Variants in CFAP58 observed in about 807,000 individuals in gnomAD.
CFAP58 encodes cilia and flagella associated protein 58.
Under a neutral mutation model 119.5 loss-of-function variants are expected in CFAP58, and 88 were observed. The observed-to-expected ratio is 0.74, with a 90% CI of 0.62 to 0.88. The LOEUF (loss-of-function observed/expected upper bound fraction) is 0.88, where lower values mean the gene tolerates loss of function less well. Among genes scored for constraint, CFAP58 ranks in the 40% least tolerant of loss-of-function variants. The probability of loss-of-function intolerance (pLI) is 0.00; values close to 1 mark genes in which losing one functional copy is unlikely to be tolerated. For missense variants in CFAP58, 990 were observed against 1,021.2 expected (o/e 0.97, Z 0.42); for synonymous variants, 365 against 366.3 (o/e 1.00, Z 0.04).
chr10:104,449,880 G>T (rs1253550841), intron 16 of CFAP58, among the ~76,000 whole-genome samples, 191 bp from the exon 17 acceptor site: 2 of 152,130 alleles, frequency 1.3e-5, no homozygotes, highest in Non-Finnish European at 2.9e-5. Flanking sequence ...ACCTAGTGAT[G>T]CATCTTCAGC....
intron 15 of CFAP58, among the ~76,000 whole-genome samples, chr10:104,412,157 T>C (rs528573310): frequency 6.6e-6 from 1 of 152,346 alleles, no homozygotes; most frequent in South Asian, 2.1e-4. Flanking sequence ...TTAGTTTTCA[T>C]GTTATTTAGT....
chr10:104,343,906 C>T, the CFAP58 span, among the ~76,000 whole-genome samples: 340 of 152,278 alleles, frequency 2.2e-3, no homozygotes, highest in Non-Finnish European at 2.4e-3. Flanking sequence ...CCATACCTGG[C>T]TAATTTTCCT....
At chr10:104,408,795 G>A (rs777175544) in intron 15 of CFAP58, among the ~76,000 whole-genome samples, 1 of 152,026 alleles carries the variant, frequency 6.6e-6, no homozygotes, top group South Asian at 2.1e-4. Flanking sequence ...GTTATAAAAT[G>A]TCTTTTAAAT....
rs974710618 is a variant in CFAP58 at position 104,357,938 on chromosome 10, T to C, written c.10-403T>C. Among the ~76,000 whole-genome samples the C allele has an allele frequency of 2.2e-3, 263 of 119,248 alleles. 11 individuals are homozygous for C. Among genetic ancestry groups the C allele is most frequent in the Non-Finnish European group, 3.2e-3 (199 of 61,270 alleles). The allele number at this position is 119,248 out of a possible 152,430, so 78.2% of individuals were successfully genotyped here. A position where few individuals can be genotyped will look rare whatever the true frequency, so the allele number is the denominator to read the frequency against. Reference sequence around the variant, plus strand: ...ACATATATGTACACATATACACACATATATGTACACATATATACACATATA... The same window carrying C: ...ACATATATGTACACATATACACACACATATGTACACATATATACACATATA... On this transcript the variant is annotated intron_variant, in intron 1 of 17. Transcript: ENST00000369704.
chr10:104,359,421 T>A (rs2014637856), intron 2 of CFAP58, among the ~76,000 whole-genome samples: 1 of 152,234 alleles, frequency 6.6e-6, no homozygotes, highest in Non-Finnish European at 1.5e-5. Context: ...AAGTTTATTG[T>A]CATGTTCTTC....
chr10:104,399,163 T>C (rs1589922031), intron 11 of CFAP58, among the ~76,000 whole-genome samples, 197 bp from the exon 12 acceptor site: 3 of 135,598 alleles, frequency 2.2e-5, no homozygotes, highest in Non-Finnish European at 4.7e-5. Context: ...TGTGCATTGC[T>C]ATTTCTTTAT....
At chr10:104,374,074 A>C (rs1242729766) in intron 7 of CFAP58, among the ~76,000 whole-genome samples, 1 of 152,148 alleles carries the variant, frequency 6.6e-6, no homozygotes, top group Non-Finnish European at 1.5e-5. Context: ...AAAAGTTAAA[A>C]TTTTCTATAT....
chr10:104,402,929 A>G (rs950481789), intron 13 of CFAP58, among the ~76,000 whole-genome samples: 3 of 152,188 alleles, frequency 2.0e-5, no homozygotes, highest in Admixed American at 6.5e-5. Context: ...AACTAGTGTT[A>G]GGTTATCACC....
intron 9 of CFAP58, among the ~76,000 whole-genome samples, chr10:104,387,913 C>T (rs2011957036): frequency 6.6e-6 from 1 of 152,160 alleles, no homozygotes; most frequent in Non-Finnish European, 1.5e-5. Flanking sequence ...TTGCCTATAA[C>T]ACTGTCAAGC....
chr10:104,437,436 C>G (rs183701325), intron 15 of CFAP58, among the ~76,000 whole-genome samples: 1 of 152,338 alleles, frequency 6.6e-6, no homozygotes, highest in East Asian at 1.9e-4. Context: ...TGACTAACCC[C>G]TGCCCATTCT....
chr10:104,395,888 G>T (rs2012143081), intron 11 of CFAP58, among the ~76,000 whole-genome samples: 2 of 152,198 alleles, frequency 1.3e-5, no homozygotes, highest in Admixed American at 1.3e-4. Flanking sequence ...ACTTTTCCAA[G>T]CCGATAGGCA....
chr10:104,364,751 G>T lies in CFAP58; in HGVS notation c.459G>T (p.Arg153Ser), dbSNP rs1279546616. 4 of 1,612,950 alleles carry T rather than the reference G, an allele frequency of 2.5e-6. No individual in the cohort carries two copies. The highest frequency in any genetic ancestry group is 3.3e-5 in the Admixed American group (2 of 59,842). Residue 153 changes from arginine (R) to serine (S), a missense_variant, in exon 4 of 18, where the codon AGG becomes AGT. Physicochemically the swap from Arg to Ser is moderately radical, Grantham distance 110 (BLOSUM62 -1). Transcript: ENST00000369704. ...TTTTTAGCATCCGAGATTTACTGAG[G>T]TTCAAAGAAGAAGTGACAAAGGAGA... ...DQHSNIRDLL[R>S]FKEEVTKERD...
chr10:104,365,685 T>G lies in CFAP58; in HGVS notation c.598-129T>G. ...CTGGGGCTCAAGGATGTCTGCCCTATAGGGGAAATGCTACTGCAAAGTGCT... is the reference window on the plus strand; with the variant it reads ...CTGGGGCTCAAGGATGTCTGCCCTAGAGGGGAAATGCTACTGCAAAGTGCT... On this transcript the variant is annotated intron_variant, in intron 4 of 17. Transcript: ENST00000369704. The G allele has an allele frequency of 1.1e-5, 8 of 699,560 alleles. No homozygotes were observed. The South Asian group carries it at 1.4e-4, about 12-fold the overall frequency. The allele number at this position is 699,560 out of a possible 1,614,324, so 43.3% of individuals were successfully genotyped here.
At position 104,368,569 on chromosome 10, in the gene CFAP58, C is replaced by T; in HGVS notation, c.930+9C>T. On this transcript the variant is annotated intron_variant, in intron 6 of 17. Coordinates refer to ENST00000369704, the MANE Select transcript of CFAP58 (RefSeq NM_001008723.2). ...AGGCGTTGGAGCTCAAAGTAAACACCAAGTTACATGTCTGTTCCCTAGCTC... is the reference window on the plus strand; with the variant it reads ...AGGCGTTGGAGCTCAAAGTAAACACTAAGTTACATGTCTGTTCCCTAGCTC... 22 of 1,613,558 alleles carry T rather than the reference C, an allele frequency of 1.4e-5. No homozygotes were observed. The highest frequency in any genetic ancestry group is 1.8e-5 in the Non-Finnish European group (21 of 1,179,646).
chr10:104,406,603 A>T, intron 14 of CFAP58, 86 bp from the exon 15 acceptor site: 1 of 1,048,054 alleles, frequency 9.5e-7, no homozygotes, highest in Non-Finnish European at 1.5e-6. Flanking sequence ...AACAGATTTT[A>T]ATAAGACAAT....
intron 1 of CFAP58, among the ~76,000 whole-genome samples, chr10:104,357,921 GTACACATATA>G (rs1589906411): frequency 2.8e-5 from 3 of 105,492 alleles, no homozygotes; most frequent in African/African-American, 5.2e-5. Context: ...ACACATATAT[GTACACATATA>G]CACACATATA....
intron 15 of CFAP58, among the ~76,000 whole-genome samples, chr10:104,430,392 C>T (rs969962736): frequency 7.2e-5 from 11 of 152,208 alleles, no homozygotes; most frequent in Admixed American, 2.0e-4. Flanking sequence ...ACACTAGGAG[C>T]CTGACAACAA....
At chr10:104,386,409 TAAG>T (rs2011926623) in intron 9 of CFAP58, among the ~76,000 whole-genome samples, 1 of 151,028 alleles carries the variant, frequency 6.6e-6, no homozygotes, top group African/African-American at 2.4e-5. Context: ...TAAATAAAAA[TAAG>T]AAAAAGTAAA....
the CFAP58 span, among the ~76,000 whole-genome samples, chr10:104,339,593 C>CT: frequency 2.6e-5 from 4 of 152,118 alleles, no homozygotes; most frequent in Admixed American, 1.3e-4. Flanking sequence ...CTTAGATCAC[C>CT]TTTTTTTCGT....
Sources: allele counts gnomAD v4.1 joint callset (sites outside exome capture counted in the v4.1 genomes callset), GRCh38; gene constraint gnomAD v4.1.1; transcripts MANE v1.5; gene names NCBI Gene and HGNC (gene_info 2026-07-23, HGNC 2026-07-21).